The following CTIF variants were observed in gnomAD, a reference collection of about 807,000 sequenced individuals.
CTIF encodes the protein cap binding complex dependent translation initiation factor.
In CTIF, 21 loss-of-function variants were observed where a neutral mutation model predicts 66.0. The ratio of observed to expected loss-of-function variants is 0.32; its 90% confidence interval spans 0.23 to 0.46. CTIF has a LOEUF of 0.46. Among genes scored for constraint, CTIF ranks in the 20% least tolerant of loss-of-function variants. The pLI is 1.00. For missense variants in CTIF, 739 were observed against 812.7 expected (o/e 0.91, Z 1.10); for synonymous variants, 345 against 326.4 (o/e 1.06, Z -0.62).
At chr18:48,668,666 C>T (rs377430614) in intron 5 of CTIF, among the ~76,000 whole-genome samples, 38 of 152,246 alleles carry the variant, frequency 2.5e-4, no homozygotes, top group African/African-American at 8.9e-4. Flanking sequence ...ACCACACATG[C>T]TCCTAACTCT....
chr18:48,736,561 A>G (rs532623751), intron 7 of CTIF, among the ~76,000 whole-genome samples: 3 of 152,312 alleles, frequency 2.0e-5, no homozygotes, highest in South Asian at 2.1e-4. Context: ...CTGGGCATAT[A>G]TATTTCCTGG....
intron 6 of CTIF, among the ~76,000 whole-genome samples, chr18:48,695,334 T>A (rs2091990599): frequency 6.6e-6 from 1 of 152,224 alleles, no homozygotes; most frequent in African/African-American, 2.4e-5. Context: ...ACCTGCTATG[T>A]GACATTGCTG....
chr18:48,699,623 C>T (rs758782516), intron 6 of CTIF, among the ~76,000 whole-genome samples: 7 of 152,188 alleles, frequency 4.6e-5, no homozygotes, highest in Admixed American at 6.5e-5. Context: ...AGACCACAGA[C>T]GCAAGTGCTT....
intron 9 of CTIF, among the ~76,000 whole-genome samples, chr18:48,810,417 A>G (rs558207389): frequency 6.6e-6 from 1 of 152,222 alleles, no homozygotes; most frequent in African/African-American, 2.4e-5. Context: ...CAGGTATTGT[A>G]TATTTGAGTA....
chr18:48,767,388 C>T (rs373614405), intron 9 of CTIF, among the ~76,000 whole-genome samples: 6 of 152,270 alleles, frequency 3.9e-5, no homozygotes, highest in South Asian at 2.1e-4. Context: ...GGGACGTCCA[C>T]GTGGGCTCTG....
chr18:48,855,925 A>T (rs17185764), intron 10 of CTIF, among the ~76,000 whole-genome samples: 17,555 of 152,274 alleles, frequency 0.12, 1,259 homozygotes, highest in Non-Finnish European at 0.16. Flanking sequence ...GTCATCCAGA[A>T]AGTGAAGCCC....
At chr18:48,568,726 A>T (rs2143607866) in intron 1 of CTIF, among the ~76,000 whole-genome samples, 1 of 149,274 alleles carries the variant, frequency 6.7e-6, no homozygotes, top group East Asian at 2.1e-4. Context: ...TCGTGGCAGA[A>T]GGCAAAGGAT....
chr18:48,829,179 C>T (rs1392247482), intron 10 of CTIF, among the ~76,000 whole-genome samples: 1 of 152,110 alleles, frequency 6.6e-6, no homozygotes, highest in Non-Finnish European at 1.5e-5. Flanking sequence ...TGTATATGTA[C>T]ACAGGCACAA....
At chr18:48,551,653 C>T (rs1255192478) in intron 1 of CTIF, among the ~76,000 whole-genome samples, 2 of 152,164 alleles carry the variant, frequency 1.3e-5, no homozygotes, top group Non-Finnish European at 1.5e-5. Flanking sequence ...TGAGGTCACA[C>T]AGGGAAGCCA....
chr18:48,621,063 T>G (rs1172608942), intron 2 of CTIF, among the ~76,000 whole-genome samples: 1 of 152,260 alleles, frequency 6.6e-6, no homozygotes, highest in Non-Finnish European at 1.5e-5. Context: ...TTGTTTGTTA[T>G]TCAATCCATG....
chr18:48,658,396 T>C (rs1477060157), intron 3 of CTIF, among the ~76,000 whole-genome samples: 5 of 143,844 alleles, frequency 3.5e-5, no homozygotes, highest in Non-Finnish European at 7.7e-5. Context: ...CACATGTATA[T>C]ATGTGGTGTG....
intron 6 of CTIF, among the ~76,000 whole-genome samples, chr18:48,696,841 G>C (rs1037736852): frequency 5.3e-5 from 8 of 152,238 alleles, no homozygotes; most frequent in African/African-American, 1.9e-4. Flanking sequence ...CAGGGGGCCT[G>C]TGGAGCTAAG....
chr18:48,587,080 T>C (rs958424441), intron 1 of CTIF, among the ~76,000 whole-genome samples: 6 of 151,026 alleles, frequency 4.0e-5, no homozygotes, highest in Non-Finnish European at 5.9e-5. Flanking sequence ...ACATTCTTTT[T>C]TTTTTTTTTT....
intron 3 of CTIF, among the ~76,000 whole-genome samples, chr18:48,661,644 G>C (rs569343274): frequency 2.6e-5 from 4 of 152,190 alleles, no homozygotes; most frequent in African/African-American, 9.6e-5. Context: ...AAAAGGGAGA[G>C]AGGACGATCC....
intron 3 of CTIF, among the ~76,000 whole-genome samples, chr18:48,651,564 G>C (rs905603388): frequency 2.6e-5 from 4 of 152,282 alleles, no homozygotes; most frequent in Non-Finnish European, 5.9e-5. Flanking sequence ...CAACGAGACA[G>C]AAGGTTAACA....
At chr18:48,568,847 C>CAGG (rs1407179162) in intron 1 of CTIF, among the ~76,000 whole-genome samples, 3 of 152,014 alleles carry the variant, frequency 2.0e-5, no homozygotes, top group Admixed American at 1.3e-4. Flanking sequence ...AAGAATAGCA[C>CAGG]AGGAAAAACC....
At chr18:48,857,563 T>A in intron 10 of CTIF, 25 bp from the exon 11 acceptor site, 1 of 1,600,442 alleles carries the variant, frequency 6.2e-7, no homozygotes, top group South Asian at 1.1e-5. Flanking sequence ...CCTTCAGTGG[T>A]GCTCTCTGCC....
chr18:48,798,061 C>T (rs977806740), intron 9 of CTIF, among the ~76,000 whole-genome samples: 2 of 152,204 alleles, frequency 1.3e-5, no homozygotes, highest in Admixed American at 6.5e-5. Context: ...CAGGGGCAAG[C>T]AGACGGGTGA....
chr18:48,641,122 T>C (rs2090921459), intron 3 of CTIF, among the ~76,000 whole-genome samples: 1 of 152,142 alleles, frequency 6.6e-6, no homozygotes, highest in Admixed American at 6.6e-5. Flanking sequence ...TTTATTGTAA[T>C]GGGGGAAATG....
Sources: allele counts gnomAD v4.1 joint callset (sites outside exome capture counted in the v4.1 genomes callset), GRCh38; gene constraint gnomAD v4.1.1; transcripts MANE v1.5; gene names NCBI Gene and HGNC (gene_info 2026-07-23, HGNC 2026-07-21).